GNPTG: variants seen among roughly 807,000 people sequenced by gnomAD.
GNPTG encodes the protein N-acetylglucosamine-1-phosphotransferase subunit gamma.
In GNPTG, 46 loss-of-function variants were observed where a neutral mutation model predicts 43.8. The ratio of observed to expected loss-of-function variants is 1.05; its 90% confidence interval spans 0.83 to 1.34. The LOEUF (loss-of-function observed/expected upper bound fraction) is 1.34. GNPTG is among the 40% of genes most tolerant of loss of function. The pLI is 0.00. For missense variants in GNPTG, 549 were observed against 411.3 expected, an observed-to-expected ratio of 1.33 and a Z score of -2.90; for synonymous variants, 250 against 172.8, an observed-to-expected ratio of 1.45 and a Z score of -3.50.
chr16:1,352,967 ATTTTTTTTT>A (rs3078768), intron 3 of GNPTG, among the ~76,000 whole-genome samples: 1 of 132,668 alleles, frequency 7.5e-6, no homozygotes, highest in South Asian at 2.4e-4. Context: ...AAATCCAAGA[ATTTTTTTTT>A]TTTTTTTTTT....
intron 3 of GNPTG, among the ~76,000 whole-genome samples, chr16:1,353,056 G>A (rs764714013): frequency 2.2e-4 from 32 of 143,644 alleles, no homozygotes; most frequent in South Asian, 4.4e-4. Flanking sequence ...TGCAACCTCC[G>A]CCTCCCAGGT....
chr16:1,363,053 C>A lies in GNPTG; in HGVS notation c.880C>A (p.Gln294Lys). The A allele has an allele frequency of 6.2e-7, 1 of 1,614,008 alleles. No homozygotes were observed. The highest frequency in any genetic ancestry group is 1.1e-5 in the South Asian group (1 of 91,060). The change falls in exon 11 of 11, where the codon CAG (glutamine) becomes AAG (lysine). Residue 294 changes from glutamine (Q) to lysine (K), a missense_variant. Gln to Lys is a moderately conservative substitution (Grantham distance 53). Transcript: ENST00000204679. ...HETPRAKSPE[Q>K]LRGDPGLRGS... ...GACGCCCAGAGCCAAGTCTCCAGAG[C>A]AGCTGCGGGGTGACCCAGGACTGCG... is the stretch of plus-strand genomic sequence containing the variant.
At position 1,362,274 on chromosome 16, in the gene GNPTG, G is replaced by C. The variant is rs149516834; in HGVS notation, c.480G>C (p.Ala160=). ...HVSEPSTCVY[A]LTFETPLVCH... Reference sequence around the variant, plus strand: ...CCGAGCCGAGCACCTGCGTCTACGCGCTGACGTTCGAGACCCCCCTCGTCT... The same window carrying C: ...CCGAGCCGAGCACCTGCGTCTACGCCCTGACGTTCGAGACCCCCCTCGTCT... Residue 160 remains alanine (A), a synonymous_variant, in exon 7 of 11, where the codon GCG becomes GCC. Transcript: ENST00000204679. The C allele has an allele frequency of 6.8e-6, 11 of 1,613,380 alleles. No homozygotes were observed. Among genetic ancestry groups the C allele is most frequent in the Non-Finnish European group, 9.3e-6 (11 of 1,179,968 alleles).
chr16:1,361,585 A>G (rs2034877672), intron 3 of GNPTG, 158 bp from the exon 4 acceptor site: 1 of 738,024 alleles, frequency 1.4e-6, no homozygotes. Context: ...CGGAGCTTGA[A>G]GTGAGCCAAG....
chr16:1,362,755 G>T lies in GNPTG; in HGVS notation c.741+13G>T, dbSNP rs368890072. The stretch of plus-strand genomic sequence containing the variant: ...AAACTGCAGGAAGGTACCGTATTGG[G>T]GGGAGGTGGTGGCACGCAGTAGCCC... On this transcript the variant is annotated intron_variant, in intron 9 of 10. Coordinates refer to ENST00000204679, the MANE Select transcript of GNPTG (RefSeq NM_032520.5). 6.2e-7 allele frequency: 1 copy of T among 1,614,136 alleles called. No homozygotes were observed. Among genetic ancestry groups the T allele is most frequent in the Non-Finnish European group, 8.5e-7 (1 of 1,180,038 alleles).
At position 1,351,977 on chromosome 16, in the gene GNPTG, G is replaced by A; in HGVS notation, c.12G>A (p.Gly4=). 3 of 1,370,434 alleles carry A rather than the reference G, an allele frequency of 2.2e-6. No individual in the cohort carries two copies. Among genetic ancestry groups the A allele is most frequent in the Non-Finnish European group, 2.8e-6 (3 of 1,063,412 alleles). 84.9% of individuals were successfully genotyped at this position (1,370,434 alleles called of 1,614,324 possible). The part of the protein sequence containing the change: MAA[G]LARLLLLLGL... ...GCCGCTGCGGCGCGATGGCGGCGGG[G>A]CTGGCGCGGCTCCTGTTGCTCCTCG... Residue 4 remains glycine (G), a synonymous_variant, in exon 1 of 11, where the codon GGG becomes GGA. Coordinates refer to ENST00000204679, the MANE Select transcript of GNPTG (RefSeq NM_032520.5).
intron 3 of GNPTG, among the ~76,000 whole-genome samples, chr16:1,353,503 TTAGAG>T (rs1250737685): frequency 6.6e-6 from 1 of 152,144 alleles, no homozygotes; most frequent in African/African-American, 2.4e-5. Context: ...TGTATGTGTG[TTAGAG>T]TATTGTTTGG....
Position 1,352,623 on chromosome 16 carries a change from G to C in GNPTG, c.178+317G>C, listed in dbSNP as rs1329786740. On this transcript the variant is annotated intron_variant, in intron 3 of 10. Coordinates refer to ENST00000204679, the MANE Select transcript of GNPTG (RefSeq NM_032520.5). ...AACGTATAGTTTTTGTAATCTAATCGCTTTTTTAAAAAATCATGCTGCGCG... is the reference window on the plus strand; with the variant it reads ...AACGTATAGTTTTTGTAATCTAATCCCTTTTTTAAAAAATCATGCTGCGCG... The C allele has an allele frequency of 1.1e-5, 4 of 378,510 alleles. No individual in the cohort carries two copies. The Admixed American group carries it at 1.7e-4, about 16-fold the overall frequency. 23.4% of individuals were successfully genotyped at this position (378,510 alleles called of 1,614,324 possible).
chr16:1,353,000 C>A (rs1368970145), intron 3 of GNPTG, among the ~76,000 whole-genome samples: 2 of 139,402 alleles, frequency 1.4e-5, no homozygotes, highest in Non-Finnish European at 3.0e-5. Context: ...ACAAGAGTCT[C>A]GCTCTGTCGC....
At position 1,363,185 on chromosome 16, in the gene GNPTG, C is replaced by T. The variant is rs2034971991; in HGVS notation, c.*94C>T. On this transcript the variant is annotated 3_prime_UTR_variant, in exon 11 of 11. Transcript: ENST00000204679. ...CAGGGACCAGCTGACCAGGCTTGTG[C>T]TCAGAGAAGCAGACAAAACAAAGAT... is the stretch of plus-strand genomic sequence containing the variant. 1 of 1,029,278 alleles carries T rather than the reference C, an allele frequency of 9.7e-7. No homozygotes were observed. The allele number at this position is 1,029,278 out of a possible 1,614,324, so 63.8% of individuals were successfully genotyped here. A position where few individuals can be genotyped will look rare whatever the true frequency, so the allele number is the denominator to read the frequency against.
chr16:1,359,473 T>C (rs1315823962), intron 3 of GNPTG, among the ~76,000 whole-genome samples: 1 of 151,964 alleles, frequency 6.6e-6, no homozygotes, highest in East Asian at 2.0e-4. Context: ...TTTCACCATG[T>C]TGGCCAGGAT....
rs758226003 is a variant in GNPTG, at chr16:1,363,108, C to G, written c.*17C>G. On this transcript the variant is annotated 3_prime_UTR_variant, in exon 11 of 11. Coordinates refer to ENST00000204679, the MANE Select transcript of GNPTG (RefSeq NM_032520.5). ...AGTTTGTGACCTTGTGGTGGGAGAGCAGAGGTGGACGCGGCCGAGAGCCCT... is the reference window on the plus strand; with the variant it reads ...AGTTTGTGACCTTGTGGTGGGAGAGGAGAGGTGGACGCGGCCGAGAGCCCT... The G allele has an allele frequency of 3.1e-6, 5 of 1,610,722 alleles. No individual in the cohort carries two copies. The highest frequency in any genetic ancestry group is 1.1e-5 in the South Asian group (1 of 90,882).
At chr16:1,355,771 G>A (rs1343942085) in intron 3 of GNPTG, among the ~76,000 whole-genome samples, 1 of 152,098 alleles carries the variant, frequency 6.6e-6, no homozygotes, top group African/African-American at 2.4e-5. Flanking sequence ...CTGGGGAGGG[G>A]GCGGGGGAGG....
At chr16:1,353,251 A>G (rs2034716578) in intron 3 of GNPTG, among the ~76,000 whole-genome samples, 1 of 152,224 alleles carries the variant, frequency 6.6e-6, no homozygotes, top group Non-Finnish European at 1.5e-5. Flanking sequence ...TGCTGGGATT[A>G]TAGGCGTGAG....
Position 1,363,469 on chromosome 16 carries a change from G to C in GNPTG, c.*378G>C. On this transcript the variant is annotated 3_prime_UTR_variant, in exon 11 of 11. Transcript: ENST00000204679. ...GCGTCCACGCGGAACAAGGTCTGCT[G>C]ACCACAGTTACACACGTCGTGACAC... 1 of 336,364 alleles carries C rather than the reference G, an allele frequency of 3.0e-6. No individual in the cohort carries two copies. Among genetic ancestry groups the C allele is most frequent in the East Asian group, 8.0e-5 (1 of 12,486 alleles). The allele number at this position is 336,364 out of a possible 1,614,324, so 20.8% of individuals were successfully genotyped here. A position where few individuals can be genotyped will look rare whatever the true frequency, so the allele number is the denominator to read the frequency against.
chr16:1,361,862 G>A lies in GNPTG; in HGVS notation c.234-10G>A, dbSNP rs2141862003. 6.2e-7 allele frequency: 1 copy of A among 1,613,964 alleles called. No individual in the cohort carries two copies. Among genetic ancestry groups the A allele is most frequent in the Middle Eastern group, 1.6e-4 (1 of 6,062 alleles). On this transcript the variant is annotated splice_polypyrimidine_tract_variant and intron_variant, in intron 4 of 10. Coordinates refer to ENST00000204679, the MANE Select transcript of GNPTG (RefSeq NM_032520.5). ...CCTGCGGACCCCCCTCATGCCATCT[G>A]TGTCCCCAGGTACAAGTATGAGTTC... is the stretch of plus-strand genomic sequence containing the variant.
chr16:1,358,863 T>C (rs988863696), intron 3 of GNPTG: 1 of 50,986 alleles, frequency 2.0e-5, no homozygotes, highest in African/African-American at 9.0e-5. Context: ...TTATGGTGTT[T>C]GTCCTTTTTT....
chr16:1,361,651 A>C lies in GNPTG; in HGVS notation c.179-92A>C, dbSNP rs201944235. ...AGAGTGAGACTCCATCTCAAAAAAAAAGAAAACTGGTCCTTTGAAAACAGA... is the reference window on the plus strand; with the variant it reads ...AGAGTGAGACTCCATCTCAAAAAAACAGAAAACTGGTCCTTTGAAAACAGA... On this transcript the variant is annotated intron_variant, in intron 3 of 10. Transcript: ENST00000204679. 40 of 1,417,214 alleles carry C rather than the reference A, an allele frequency of 2.8e-5. 1 individual carries two copies. In the East Asian group the frequency reaches 8.2e-4, roughly 29 times the overall value. 87.8% of individuals were successfully genotyped at this position (1,417,214 alleles called of 1,614,324 possible).
Position 1,362,837 on chromosome 16 carries a change from C to A in GNPTG, c.754C>A (p.Leu252Ile). Residue 252 changes from leucine (L) to isoleucine (I), a missense_variant, in exon 10 of 11, where the codon CTC becomes ATC. Physicochemically the swap from Leu to Ile is conservative, Grantham distance 5. Transcript: ENST00000204679. ...TTGTGGTTGGTAGGCTCATAAAGAA[C>A]TCTCAAAGGAGATCAAAAGGCTGAA... ...LENCRKAHKE[L>I]SKEIKRLKGL... The A allele has an allele frequency of 1.2e-6, 2 of 1,613,878 alleles. No individual in the cohort carries two copies. The highest frequency in any genetic ancestry group is 1.7e-6 in the Non-Finnish European group (2 of 1,179,970).
Sources: gnomAD v4.1 joint callset for allele counts (sites outside exome capture counted in the v4.1 genomes callset) on GRCh38, gnomAD v4.1.1 for gene constraint, MANE v1.5 for transcripts, NCBI Gene and HGNC (gene_info 2026-07-23, HGNC 2026-07-21) for gene names.